Variants in ENTPD1 observed in about 807,000 individuals in gnomAD.
ENTPD1 encodes ATP diphosphohydrolase.
In ENTPD1, 33 loss-of-function variants were observed where a neutral mutation model predicts 57.0. The observed-to-expected ratio is 0.58, with a 90% CI of 0.44 to 0.77. ENTPD1 has a LOEUF of 0.77. ENTPD1 is among the 30% of genes least tolerant of loss of function. The probability of loss-of-function intolerance (pLI) is 0.00; values close to 1 mark genes in which losing one functional copy is unlikely to be tolerated. For missense variants in ENTPD1, 501 were observed against 603.4 expected (o/e 0.83, Z 1.78); for synonymous variants, 202 against 218.8 (o/e 0.92, Z 0.68).
chr10:95,706,317 G>A, the ENTPD1 span, among the ~76,000 whole-genome samples: 3 of 152,252 alleles, frequency 2.0e-5, no homozygotes, highest in Non-Finnish European at 2.9e-5. Flanking sequence ...CTTGTCCTGC[G>A]TCCAGGAAGA....
chr10:95,727,063 T>A (rs1589648403), intron 1 of ENTPD1, among the ~76,000 whole-genome samples: 1 of 152,240 alleles, frequency 6.6e-6, no homozygotes, highest in Non-Finnish European at 1.5e-5. Context: ...GGTTCAGAAG[T>A]TGATGAAATG....
chr10:95,780,603 T>C (rs1476645098), intron 1 of ENTPD1, among the ~76,000 whole-genome samples: 3 of 152,254 alleles, frequency 2.0e-5, no homozygotes, highest in Non-Finnish European at 2.9e-5. Flanking sequence ...ACATGAAATG[T>C]GCCTGAAGTT....
chr10:95,744,034 A>G (rs957160430), intron 1 of ENTPD1, among the ~76,000 whole-genome samples: 1 of 138,246 alleles, frequency 7.2e-6, no homozygotes, highest in Non-Finnish European at 1.6e-5. Context: ...ATATATATAT[A>G]TGCACAACTA....
At position 95,867,799 on chromosome 10, in the gene ENTPD1, A is replaced by G; in HGVS notation, c.*1416A>G. On this transcript the variant is annotated 3_prime_UTR_variant, in exon 10 of 10. Coordinates refer to ENST00000371205, the MANE Select transcript of ENTPD1 (RefSeq NM_001776.6). ...GGACTGACTGTTGAGCTGATGGGGA[A>G]AGAAAAGCTCTCACACAAACCGGAA... is the stretch of plus-strand genomic sequence containing the variant. The G allele has an allele frequency of 2.0e-6, 2 of 985,468 alleles. No homozygotes were observed. The highest frequency in any genetic ancestry group is 2.4e-6 in the Non-Finnish European group (2 of 829,936). The allele number at this position is 985,468 out of a possible 1,614,324, so 61.0% of individuals were successfully genotyped here.
intron 1 of ENTPD1, among the ~76,000 whole-genome samples, chr10:95,780,418 A>G (rs2098152437): frequency 1.3e-5 from 2 of 152,232 alleles, no homozygotes; most frequent in Non-Finnish European, 2.9e-5. Context: ...GAATGAGTAC[A>G]TGAATGAATC....
At chr10:95,794,801 G>A (rs1046942760) in intron 1 of ENTPD1, among the ~76,000 whole-genome samples, 3 of 152,094 alleles carry the variant, frequency 2.0e-5, no homozygotes, top group Non-Finnish European at 4.4e-5. Context: ...CAAAGAGGAT[G>A]GGAAGGGAAT....
intron 1 of ENTPD1, among the ~76,000 whole-genome samples, chr10:95,807,252 G>A (rs1023795465): frequency 1.1e-4 from 16 of 152,318 alleles, no homozygotes; most frequent in African/African-American, 2.9e-4. Context: ...TCCACCTTGC[G>A]GTTCAATCTC....
Position 95,870,932 on chromosome 10 carries a change from TGG to T in ENTPD1, c.*4550_*4551del. On this transcript the variant is annotated 3_prime_UTR_variant, in exon 10 of 10. Transcript: ENST00000371205. ...GCAGCTCTACTTCAGGTGGTAAGGG[TGG>T]ATCAGACCTATTCCATATACCTCTT... 3 of 985,424 alleles carry T rather than the reference TGG, an allele frequency of 3.0e-6. No individual in the cohort carries two copies. The highest frequency in any genetic ancestry group is 3.6e-6 in the Non-Finnish European group (3 of 829,934). The allele number at this position is 985,424 out of a possible 1,614,324, so 61.0% of individuals were successfully genotyped here. A position where few individuals can be genotyped will look rare whatever the true frequency, so the allele number is the denominator to read the frequency against.
At chr10:95,736,208 C>T (rs1357317051) in intron 1 of ENTPD1, among the ~76,000 whole-genome samples, 2 of 151,756 alleles carry the variant, frequency 1.3e-5, no homozygotes, top group African/African-American at 2.4e-5. Context: ...CCCATGTTGC[C>T]CAGGCTGCTC....
chr10:95,733,584 T>A (rs3927696), intron 1 of ENTPD1, among the ~76,000 whole-genome samples: 82,014 of 152,018 alleles, frequency 0.54, 22,549 homozygotes, highest in Admixed American at 0.63. Context: ...TTATAAAAGT[T>A]TTAATTTGGG....
In ENTPD1 at chr10:95,855,576, A is replaced by G. The variant is rs370508721; in HGVS notation, c.1075-4893A>G. ...GCATGTTTTTGCAGTGGCTGGTACC[A>G]GTTGTTCCTTTCCATGTTTAGTGCT... On this transcript the variant is annotated intron_variant, in intron 7 of 9. Coordinates refer to ENST00000371205, the MANE Select transcript of ENTPD1 (RefSeq NM_001776.6). Among the ~76,000 whole-genome samples, 511 of 152,074 alleles carry G rather than the reference A, an allele frequency of 3.4e-3. 1 individual carries two copies. The highest frequency in any genetic ancestry group is 0.012 in the African/African-American group (483 of 41,470).
At chr10:95,759,300 T>C (rs1259098664) in intron 1 of ENTPD1, among the ~76,000 whole-genome samples, 1 of 152,192 alleles carries the variant, frequency 6.6e-6, no homozygotes, top group Non-Finnish European at 1.5e-5. Context: ...GGGTGGATGA[T>C]TTTCAGAGCT....
At chr10:95,807,897 G>C (rs2098279652) in intron 1 of ENTPD1, among the ~76,000 whole-genome samples, 1 of 152,114 alleles carries the variant, frequency 6.6e-6, no homozygotes, top group African/African-American at 2.4e-5. Flanking sequence ...CTTCCTATTT[G>C]GATGCCCTTT....
chr10:95,867,147 T>G lies in ENTPD1; in HGVS notation c.*764T>G. On this transcript the variant is annotated 3_prime_UTR_variant, in exon 10 of 10. Transcript: ENST00000371205. ...GTAGGTGGTATATACATGTCACAAA[T>G]AAAAATACAGTTACAACTCAGGGTC... 1 of 985,418 alleles carries G rather than the reference T, an allele frequency of 1.0e-6. No individual in the cohort carries two copies. Among genetic ancestry groups the G allele is most frequent in the African/African-American group, 1.7e-5 (1 of 57,360 alleles). 61.0% of individuals were successfully genotyped at this position (985,418 alleles called of 1,614,324 possible). A position where few individuals can be genotyped will look rare whatever the true frequency, so the allele number is the denominator to read the frequency against.
intron 1 of ENTPD1, among the ~76,000 whole-genome samples, chr10:95,790,214 G>A (rs991204915): frequency 3.3e-5 from 5 of 152,146 alleles, no homozygotes; most frequent in African/African-American, 7.2e-5. Flanking sequence ...TTACCATATC[G>A]ATAAATACAG....
chr10:95,723,848 A>G (rs1006105088), intron 1 of ENTPD1, among the ~76,000 whole-genome samples: 9 of 152,106 alleles, frequency 5.9e-5, no homozygotes, highest in Non-Finnish European at 1.0e-4. Flanking sequence ...CCAACCCACA[A>G]GGATTGGGGG....
intron 7 of ENTPD1, among the ~76,000 whole-genome samples, chr10:95,853,222 GCTCT>G (rs747617903): frequency 2.0e-5 from 3 of 152,156 alleles, no homozygotes; most frequent in African/African-American, 2.4e-5. Flanking sequence ...TCATAATTTG[GCTCT>G]CTGTTTGTCT....
chr10:95,810,338 G>A (rs7901116), intron 1 of ENTPD1, among the ~76,000 whole-genome samples: 22,573 of 143,510 alleles, frequency 0.16, 2,183 homozygotes, highest in African/African-American at 0.28. Flanking sequence ...CAGATGGGGC[G>A]GCTGGGCAGA....
intron 7 of ENTPD1, among the ~76,000 whole-genome samples, chr10:95,852,998 T>C (rs962694775): frequency 3.9e-5 from 6 of 152,244 alleles, no homozygotes; most frequent in South Asian, 2.1e-4. Context: ...GGGGATGGCA[T>C]TGAATCTATA....
Sources: allele counts gnomAD v4.1 joint callset (sites outside exome capture counted in the v4.1 genomes callset), GRCh38; gene constraint gnomAD v4.1.1; transcripts MANE v1.5; gene names NCBI Gene and HGNC (gene_info 2026-07-23, HGNC 2026-07-21).